SMAD9: variants seen among roughly 807,000 people sequenced by gnomAD.
The protein encoded by SMAD9 is SMAD family member 9.
A neutral mutation model predicts 46.1 loss-of-function variants in SMAD9; 36 were observed. That is an observed-to-expected ratio of 0.78 (90% confidence interval 0.60 to 1.03). SMAD9 has a LOEUF of 1.03. Among genes scored for constraint, SMAD9 ranks in the 50% least tolerant of loss-of-function variants. The pLI is 0.00. For synonymous variants in SMAD9, 245 were observed against 237.1 expected (o/e 1.03, Z -0.31); for missense variants, 572 against 599.8 (o/e 0.95, Z 0.48).
intron 5 of SMAD9, among the ~76,000 whole-genome samples, chr13:36,856,413 C>T (rs2058125260): frequency 6.6e-6 from 1 of 152,218 alleles, no homozygotes; most frequent in Non-Finnish European, 1.5e-5. Flanking sequence ...CCACAGTCCA[C>T]TTTGGCAAAG....
At chr13:36,885,199 T>C (rs2058434921) in intron 1 of SMAD9, among the ~76,000 whole-genome samples, 1 of 152,254 alleles carries the variant, frequency 6.6e-6, no homozygotes, top group Non-Finnish European at 1.5e-5. Context: ...TGTACACTGG[T>C]AATTAATACA....
In SMAD9 at chr13:36,845,332, C is replaced by G. The variant is rs1402342182; in HGVS notation, c.*3344G>C. On this transcript the variant is annotated 3_prime_UTR_variant, in exon 7 of 7. Transcript: ENST00000379826. ...ATACTGAGTGTAAAACAAAACAAAA[C>G]AAAACATAAGGTATATGTGTTAAGT... The G allele has an allele frequency of 6.6e-6, 1 of 152,044 alleles. No individual in the cohort carries two copies. Among genetic ancestry groups the G allele is most frequent in the Non-Finnish European group, 1.5e-5 (1 of 67,998 alleles). The allele number at this position is 152,044 out of a possible 1,614,324, so 9.4% of individuals were successfully genotyped here.
chr13:36,853,152 G>A (rs2058088539), intron 6 of SMAD9, among the ~76,000 whole-genome samples: 1 of 152,148 alleles, frequency 6.6e-6, no homozygotes, highest in South Asian at 2.1e-4. Context: ...AAGCGTGGTG[G>A]TGCGTGCCTG....
chr13:36,848,598 A>G lies in SMAD9; in HGVS notation c.*78T>C. The G allele has an allele frequency of 7.5e-7, 1 of 1,338,726 alleles. No individual in the cohort carries two copies. The highest frequency in any genetic ancestry group is 1.7e-5 in the Admixed American group (1 of 59,502). The allele number at this position is 1,338,726 out of a possible 1,614,324, so 82.9% of individuals were successfully genotyped here. ...ATTTACACATGTTTTTAGAAACTTC[A>G]GTTGCAAATCTGAAATGATACAAGC... On this transcript the variant is annotated 3_prime_UTR_variant, in exon 7 of 7. Transcript: ENST00000379826.
At chr13:36,886,523 T>A (rs1310930534) in intron 1 of SMAD9, among the ~76,000 whole-genome samples, 1 of 152,264 alleles carries the variant, frequency 6.6e-6, no homozygotes, top group East Asian at 1.9e-4. Context: ...CGAGCTGAGC[T>A]GCATGTCAGC....
intron 2 of SMAD9, among the ~76,000 whole-genome samples, chr13:36,876,057 A>ATT (rs2058342843): frequency 6.6e-6 from 1 of 152,112 alleles, no homozygotes; most frequent in Admixed American, 6.6e-5. Flanking sequence ...GCTATCCCTA[A>ATT]TTACTTAATT....
chr13:36,865,652 C>A lies in SMAD9; in HGVS notation c.888G>T (p.Val296=), dbSNP rs904426312. The change falls in exon 5 of 7, where the codon GTG becomes GTT. Residue 296 remains valine (V), a synonymous_variant. Coordinates refer to ENST00000379826, the MANE Select transcript of SMAD9 (RefSeq NM_001127217.3). The stretch of plus-strand genomic sequence containing the variant: ...AAGGGTCGGTGAACCCATCTATGAG[C>A]ACACTTCGGGAGGAAGCCTGGAATG... ...GETFQASSRS[V]LIDGFTDPSN... The A allele has an allele frequency of 6.8e-6, 11 of 1,614,042 alleles. No homozygotes were observed. In the African/African-American group the frequency reaches 1.3e-4, roughly 20 times the overall value.
intron 1 of SMAD9, among the ~76,000 whole-genome samples, chr13:36,894,669 C>T (rs2058513991): frequency 6.6e-6 from 1 of 152,066 alleles, no homozygotes; most frequent in African/African-American, 2.4e-5. Flanking sequence ...TCTTTTAGGT[C>T]CAGTCACCTC....
At chr13:36,910,670 C>A (rs892995470) in intron 1 of SMAD9, among the ~76,000 whole-genome samples, 1 of 152,214 alleles carries the variant, frequency 6.6e-6, no homozygotes, top group African/African-American at 2.4e-5. Flanking sequence ...GCAGCTCTAT[C>A]TTTCCTGCTC....
Position 36,901,431 on chromosome 13 carries a change from C to CTT in SMAD9, c.-187+18683_-187+18684dup, listed in dbSNP as rs61512254. ...TTGGCTTCTTTTTTGTTTTTTGGGC[C>CTT]TTTTTTTTTTTTTTGAGACAGAGTC... On this transcript the variant is annotated intron_variant, in intron 1 of 6. Coordinates refer to ENST00000379826, the MANE Select transcript of SMAD9 (RefSeq NM_001127217.3). 4.8e-4 allele frequency among the ~76,000 whole-genome samples: 67 copies of CTT among 138,850 alleles called. 1 individual carries two copies. The highest frequency in any genetic ancestry group is 1.7e-3 in the African/African-American group (64 of 38,220). 91.1% of individuals were successfully genotyped at this position (138,850 alleles called of 152,430 possible).
intron 6 of SMAD9, chr13:36,852,628 C>T (rs2058084029): frequency 1.1e-6 from 1 of 922,142 alleles, no homozygotes; most frequent in African/African-American, 1.8e-5. Flanking sequence ...ACCTTTATAA[C>T]ACTACTTAGT....
intron 1 of SMAD9, among the ~76,000 whole-genome samples, chr13:36,903,319 G>T (rs971374456): frequency 4.6e-5 from 7 of 151,932 alleles, no homozygotes; most frequent in Non-Finnish European, 1.5e-5. Context: ...TAGAGACAGG[G>T]TTTCACCACG....
intron 1 of SMAD9, among the ~76,000 whole-genome samples, chr13:36,907,114 T>C (rs1319184287): frequency 6.6e-6 from 1 of 152,196 alleles, no homozygotes. Flanking sequence ...AAGATTATGC[T>C]GAGTGCAATA....
chr13:36,907,567 C>T (rs1263658326), intron 1 of SMAD9, among the ~76,000 whole-genome samples: 3 of 152,082 alleles, frequency 2.0e-5, no homozygotes, highest in Non-Finnish European at 4.4e-5. Context: ...CCCAGCTACT[C>T]AGGAGGCTGA....
At chr13:36,920,623 C>G (rs1042161793), upstream of SMAD9, 3 of 152,278 alleles carry the variant, frequency 2.0e-5, no homozygotes, top group Non-Finnish European at 4.4e-5. Context: ...GCGTCTCTCT[C>G]TCCCACCCCA....
Position 36,879,581 on chromosome 13 carries a change from C to A in SMAD9, c.109G>T (p.Ala37Ser). ...GDEEEKWAEK[A>S]VDSLVKKLKK... ...AACTTCTTCACTAGAGAGTCCACTG[C>A]CTTCTCTGCCCACTTTTCCTCTTCA... Residue 37 changes from alanine to serine, a missense_variant, in exon 2 of 7, where the codon GCA becomes TCA. Transcript: ENST00000379826. 6.2e-7 allele frequency: 1 copy of A among 1,614,208 alleles called. No homozygotes were observed. The highest frequency in any genetic ancestry group is 8.5e-7 in the Non-Finnish European group (1 of 1,180,030).
intron 1 of SMAD9, among the ~76,000 whole-genome samples, chr13:36,898,901 G>A (rs993185977): frequency 2.0e-4 from 31 of 152,240 alleles, no homozygotes; most frequent in Non-Finnish European, 4.3e-4. Context: ...ATGATTGTAT[G>A]GATGTCCTAG....
At chr13:36,868,564 AC>A (rs1369607734) in intron 3 of SMAD9, among the ~76,000 whole-genome samples, 2 of 151,970 alleles carry the variant, frequency 1.3e-5, no homozygotes, top group Admixed American at 6.6e-5. Flanking sequence ...ACATGATGAG[AC>A]CCCATCCTAC....
chr13:36,896,523 T>A (rs898309752), intron 1 of SMAD9, among the ~76,000 whole-genome samples: 1 of 151,586 alleles, frequency 6.6e-6, no homozygotes, highest in Non-Finnish European at 1.5e-5. Context: ...CTTCTACAAA[T>A]TGCCAGACTT....
Sources: gnomAD v4.1 joint callset for allele counts (sites outside exome capture counted in the v4.1 genomes callset) on GRCh38, gnomAD v4.1.1 for gene constraint, MANE v1.5 for transcripts, NCBI Gene and HGNC (gene_info 2026-07-23, HGNC 2026-07-21) for gene names.